The following RAP1A variants were observed in gnomAD, a reference collection of about 807,000 sequenced individuals.
RAP1A encodes the protein ras-related protein Rap-1A.
RAP1A carries 6 observed loss-of-function variants against 26.4 expected under a neutral mutation model. The observed-to-expected ratio is 0.23, with a 90% CI of 0.12 to 0.45. The LOEUF (loss-of-function observed/expected upper bound fraction) is 0.45, where lower values mean the gene tolerates loss of function less well. Ranked by LOEUF, RAP1A falls within the 20% of genes least tolerant of loss-of-function variation. The pLI is 0.99. For missense variants in RAP1A, 121 were observed against 217.2 expected, an observed-to-expected ratio of 0.56 and a Z score of 2.78; for synonymous variants, 73 against 79.4, an observed-to-expected ratio of 0.92 and a Z score of 0.43.
chr1:111,592,740 T>C (rs1349698898), intron 1 of RAP1A, among the ~76,000 whole-genome samples: 1 of 152,194 alleles, frequency 6.6e-6, no homozygotes, highest in Non-Finnish European at 1.5e-5. Context: ...GGAATGGCCT[T>C]GTTCTCTGAG....
intron 4 of RAP1A, among the ~76,000 whole-genome samples, chr1:111,702,730 T>G (rs1271282808): frequency 8.4e-6 from 1 of 118,806 alleles, no homozygotes; most frequent in Non-Finnish European, 2.0e-5. Context: ...CCGGCTAATG[T>G]TGTATTTTTA....
chr1:111,621,204 C>A (rs575827449), intron 1 of RAP1A, among the ~76,000 whole-genome samples: 3 of 152,120 alleles, frequency 2.0e-5, no homozygotes, highest in Non-Finnish European at 4.4e-5. Context: ...CATGAAGGGC[C>A]GTCTCAGAAG....
At chr1:111,710,364 A>G (rs1316976248) in intron 7 of RAP1A, among the ~76,000 whole-genome samples, 1 of 152,248 alleles carries the variant, frequency 6.6e-6, no homozygotes, top group Non-Finnish European at 1.5e-5. Flanking sequence ...GTGAGAAACC[A>G]GGATCTATGG....
intron 1 of RAP1A, among the ~76,000 whole-genome samples, chr1:111,566,958 C>T (rs189732865): frequency 4.7e-4 from 71 of 151,082 alleles, no homozygotes; most frequent in Admixed American, 1.7e-3. Flanking sequence ...GGTAGGTTCT[C>T]ATGCAAATGA....
chr1:111,667,495 G>A (rs1660829680), intron 1 of RAP1A, among the ~76,000 whole-genome samples: 5 of 152,074 alleles, frequency 3.3e-5, no homozygotes, highest in Admixed American at 3.3e-4. Flanking sequence ...GACCAGCCTG[G>A]CTAACATGGC....
intron 6 of RAP1A, among the ~76,000 whole-genome samples, chr1:111,707,966 G>A (rs1214697744): frequency 6.6e-6 from 1 of 152,168 alleles, no homozygotes; most frequent in Non-Finnish European, 1.5e-5. Context: ...CTTGACCTCA[G>A]ATGTTTGAGA....
chr1:111,561,918 C>A (rs999876894), intron 1 of RAP1A, among the ~76,000 whole-genome samples: 1 of 151,638 alleles, frequency 6.6e-6, no homozygotes, highest in South Asian at 2.1e-4. Context: ...TCCTCCTTGC[C>A]CCTGGCCTCT....
At chr1:111,702,714 C>G (rs2101286286) in intron 4 of RAP1A, among the ~76,000 whole-genome samples, 1 of 150,400 alleles carries the variant, frequency 6.6e-6, no homozygotes, top group African/African-American at 2.4e-5. Flanking sequence ...GTGTGCACCA[C>G]TACGCCCGGC....
intron 1 of RAP1A, among the ~76,000 whole-genome samples, chr1:111,688,731 G>C (rs1557893129): frequency 6.6e-6 from 1 of 150,462 alleles, no homozygotes; most frequent in Non-Finnish European, 1.5e-5. Flanking sequence ...GCCTCGTTGT[G>C]GTTTTCTTTG....
chr1:111,671,637 G>T (rs1660978602), intron 1 of RAP1A, among the ~76,000 whole-genome samples: 1 of 152,066 alleles, frequency 6.6e-6, no homozygotes, highest in Non-Finnish European at 1.5e-5. Context: ...ACCACACGTG[G>T]CTAATTTCTG....
At chr1:111,663,969 C>A (rs1660712929) in intron 1 of RAP1A, among the ~76,000 whole-genome samples, 1 of 152,120 alleles carries the variant, frequency 6.6e-6, no homozygotes, top group Non-Finnish European at 1.5e-5. Context: ...ATAGAGCTTT[C>A]TTTTTTCTCT....
intron 1 of RAP1A, among the ~76,000 whole-genome samples, chr1:111,566,905 TC>T (rs1463675202): frequency 9.9e-5 from 15 of 151,252 alleles, no homozygotes; most frequent in Non-Finnish European, 2.2e-4. Context: ...AGGAAGGGTC[TC>T]TTTAAGTAAA....
intron 1 of RAP1A, among the ~76,000 whole-genome samples, chr1:111,609,545 G>T (rs906902482): frequency 1.3e-5 from 2 of 152,048 alleles, no homozygotes; most frequent in Admixed American, 6.6e-5. Context: ...AGACACACTG[G>T]GTGCTGGTGC....
chr1:111,634,061 A>G (rs1297159405), intron 1 of RAP1A, among the ~76,000 whole-genome samples: 3 of 152,218 alleles, frequency 2.0e-5, no homozygotes, highest in African/African-American at 4.8e-5. Flanking sequence ...TTTTGCATTT[A>G]TAACAACACT....
chr1:111,610,254 A>G (rs1025672867), intron 1 of RAP1A, among the ~76,000 whole-genome samples: 1 of 152,058 alleles, frequency 6.6e-6, no homozygotes, highest in Admixed American at 6.6e-5. Context: ...TTTTTCCCCT[A>G]ATACAGTCTA....
At chr1:111,568,917 T>C (rs963509949) in intron 1 of RAP1A, among the ~76,000 whole-genome samples, 4 of 152,166 alleles carry the variant, frequency 2.6e-5, no homozygotes, top group Non-Finnish European at 5.9e-5. Flanking sequence ...GTAAATACAT[T>C]TTCTCTTCCT....
At chr1:111,633,702 G>C (rs1659642539) in intron 1 of RAP1A, among the ~76,000 whole-genome samples, 1 of 152,136 alleles carries the variant, frequency 6.6e-6, no homozygotes, top group African/African-American at 2.4e-5. Flanking sequence ...TTAAATTACT[G>C]TTTAATAACT....
chr1:111,679,911 TC>T (rs994066619), intron 1 of RAP1A, among the ~76,000 whole-genome samples: 33 of 152,162 alleles, frequency 2.2e-4, no homozygotes, highest in African/African-American at 7.2e-4. Context: ...TAGTTAAAAC[TC>T]CCATCTCCCT....
rs572121636 is a variant in RAP1A, at chr1:111,682,857, T to C, written c.-27-8477T>C. Among the ~76,000 whole-genome samples, 6 of 152,244 alleles carry C rather than the reference T, an allele frequency of 3.9e-5. 1 individual carries two copies. The highest frequency in any genetic ancestry group is 1.4e-4 in the African/African-American group (6 of 41,532). Reference sequence around the variant, plus strand: ...CATCTACAGAACCGTCCACCCCAAATCAACAGAATATACATTCTTCTCAGC... The same window carrying C: ...CATCTACAGAACCGTCCACCCCAAACCAACAGAATATACATTCTTCTCAGC... On this transcript the variant is annotated intron_variant, in intron 1 of 7. Transcript: ENST00000369709.
Sources: allele counts gnomAD v4.1 joint callset (sites outside exome capture counted in the v4.1 genomes callset), GRCh38; gene constraint gnomAD v4.1.1; transcripts MANE v1.5; gene names NCBI Gene and HGNC (gene_info 2026-07-23, HGNC 2026-07-21).